The following NEBL variants were observed in gnomAD, a reference collection of about 807,000 sequenced individuals.
The protein encoded by NEBL is nebulette, also known as LIM and SH3 protein 2.
Under a neutral mutation model 140.2 loss-of-function variants are expected in NEBL, and 122 were observed. The observed-to-expected ratio is 0.87, with a 90% confidence interval of 0.75 to 1.01. NEBL has a LOEUF of 1.01. Among genes scored for constraint, NEBL ranks in the 50% least tolerant of loss-of-function variants. The probability of loss-of-function intolerance (pLI) is 0.00; values close to 1 mark genes in which losing one functional copy is unlikely to be tolerated. For synonymous variants in NEBL, 436 were observed against 398.9 expected, an observed-to-expected ratio of 1.09 and a Z score of -1.11; for missense variants, 1,365 against 1,231.3, an observed-to-expected ratio of 1.11 and a Z score of -1.62.
intron 4 of NEBL, among the ~76,000 whole-genome samples, chr10:20,938,957 T>C (rs1473167306): frequency 4.6e-5 from 7 of 152,110 alleles, no homozygotes; most frequent in East Asian, 1.9e-4. Context: ...CAAATCTATG[T>C]CTGCTTGGTG....
At chr10:20,984,177 G>A (rs1837162998) in intron 3 of NEBL, among the ~76,000 whole-genome samples, 1 of 150,028 alleles carries the variant, frequency 6.7e-6, no homozygotes, top group Non-Finnish European at 1.5e-5. Flanking sequence ...TTAAAAACAG[G>A]TACACCAAAA....
chr10:21,151,588 G>A (rs1840139117), intron 2 of NEBL, among the ~76,000 whole-genome samples: 1 of 152,120 alleles, frequency 6.6e-6, no homozygotes, highest in Non-Finnish European at 1.5e-5. Flanking sequence ...CCCTTAGTCA[G>A]AGCTGCCCAG....
At chr10:20,942,823 A>C (rs1251694252) in intron 4 of NEBL, among the ~76,000 whole-genome samples, 1 of 152,228 alleles carries the variant, frequency 6.6e-6, no homozygotes, top group African/African-American at 2.4e-5. Context: ...ATGCAGCCAA[A>C]AGACACATGA....
At chr10:21,048,189 G>A (rs763427588) in intron 2 of NEBL, among the ~76,000 whole-genome samples, 2 of 152,086 alleles carry the variant, frequency 1.3e-5, no homozygotes, top group African/African-American at 4.8e-5. Context: ...TTCTCCCCTC[G>A]CACGCTGTCC....
chr10:21,196,384 G>A (rs986380046), intron 3 of NEBL, among the ~76,000 whole-genome samples: 1 of 148,878 alleles, frequency 6.7e-6, no homozygotes, highest in Non-Finnish European at 1.5e-5. Flanking sequence ...TGCTCTTGTT[G>A]CCCAGGGTGG....
intron 2 of NEBL, among the ~76,000 whole-genome samples, chr10:21,044,822 T>A (rs1187638223): frequency 6.6e-6 from 1 of 152,190 alleles, no homozygotes; most frequent in Non-Finnish European, 1.5e-5. Flanking sequence ...TAATCCATCA[T>A]GACATTTGTG....
intron 2 of NEBL, among the ~76,000 whole-genome samples, chr10:21,042,143 T>G (rs748792913): frequency 3.9e-5 from 6 of 152,228 alleles, no homozygotes; most frequent in Non-Finnish European, 8.8e-5. Flanking sequence ...TACTTACATT[T>G]ACTGAGCACT....
At chr10:20,813,221 C>T (rs187517104) in intron 23 of NEBL, among the ~76,000 whole-genome samples, 60 of 150,966 alleles carry the variant, frequency 4.0e-4, no homozygotes, top group Non-Finnish European at 5.6e-4. Context: ...TGTAAAAATA[C>T]ATATTCTCAA....
At chr10:21,256,102 C>G (rs554796571) in intron 1 of NEBL, among the ~76,000 whole-genome samples, 180 of 152,218 alleles carry the variant, frequency 1.2e-3, no homozygotes, top group Non-Finnish European at 2.1e-3. Flanking sequence ...GAGTCTTGCT[C>G]TCTCACTCAG....
chr10:20,817,478 T>C, intron 21 of NEBL, 122 bp downstream of exon 21: 1 of 865,416 alleles, frequency 1.2e-6, no homozygotes, highest in Non-Finnish European at 1.9e-6. Context: ...AAATAAGTTG[T>C]TAGTCAAATG....
chr10:21,083,393 C>T (rs1486422620), intron 2 of NEBL, among the ~76,000 whole-genome samples: 2 of 152,174 alleles, frequency 1.3e-5, no homozygotes, highest in African/African-American at 4.8e-5. Context: ...GTAGCAGCAC[C>T]CCACCTCCTT....
At chr10:21,003,462 T>C (rs1024797932) in intron 3 of NEBL, among the ~76,000 whole-genome samples, 1 of 152,256 alleles carries the variant, frequency 6.6e-6, no homozygotes, top group Non-Finnish European at 1.5e-5. Flanking sequence ...AAGGATCTTT[T>C]GTTATGAAGC....
chr10:21,006,708 C>T (rs934618471), intron 3 of NEBL, among the ~76,000 whole-genome samples: 1 of 152,168 alleles, frequency 6.6e-6, no homozygotes, highest in Non-Finnish European at 1.5e-5. Context: ...ACCCGAAAAG[C>T]ATTAGGAGCC....
chr10:20,869,779 G>T lies in NEBL; in HGVS notation c.543C>A (p.Asp181Glu). 6.2e-7 allele frequency: 1 copy of T among 1,613,502 alleles called. No individual in the cohort carries two copies. The highest frequency in any genetic ancestry group is 8.5e-7 in the Non-Finnish European group (1 of 1,179,486). Residue 181 changes from aspartate (D) to glutamate (E), a missense_variant, in exon 6 of 28, where the codon GAC (aspartate) becomes GAA (glutamate). By Grantham distance (45) the Asp-to-Glu change is conservative (BLOSUM62 2). Transcript: ENST00000377122. Reference protein sequence around the residue: ...HTYSAELDRPDIKMATQISKI... With the variant: ...HTYSAELDRPEIKMATQISKI... ...TAGAGATCTGGGTTGCCATCTTGAT[G>T]TCTGGTCGGTCAAGTTCTGCACTGT...
chr10:20,940,138 C>G (rs1834771112), intron 4 of NEBL, among the ~76,000 whole-genome samples: 2 of 152,176 alleles, frequency 1.3e-5, no homozygotes, highest in South Asian at 4.1e-4. Flanking sequence ...ATACATTCTT[C>G]TCAGCATCAC....
intron 3 of NEBL, among the ~76,000 whole-genome samples, chr10:20,992,336 T>C (rs1228704772): frequency 6.6e-6 from 1 of 152,202 alleles, no homozygotes; most frequent in Non-Finnish European, 1.5e-5. Context: ...ATAGATACTT[T>C]CTCAACCGCC....
At chr10:21,021,980 AT>A (rs1288741225) in intron 2 of NEBL, among the ~76,000 whole-genome samples, 1 of 152,148 alleles carries the variant, frequency 6.6e-6, no homozygotes, top group Admixed American at 6.5e-5. Context: ...ATGTCGTCGC[AT>A]TTGTGCAAAC....
intron 26 of NEBL, 108 bp downstream of exon 26, chr10:20,808,402 A>C: frequency 1.7e-6 from 2 of 1,148,656 alleles, no homozygotes; most frequent in Non-Finnish European, 2.5e-6. Flanking sequence ...ATTCTCAAAT[A>C]CAGCCAGGAT....
chr10:20,997,142 C>A (rs1837697838), intron 3 of NEBL, among the ~76,000 whole-genome samples: 3 of 152,056 alleles, frequency 2.0e-5, no homozygotes, highest in Admixed American at 2.0e-4. Context: ...AAGTCATTTC[C>A]CCTTAAATAA....
Sources: gnomAD v4.1 joint callset for allele counts (sites outside exome capture counted in the v4.1 genomes callset) on GRCh38, gnomAD v4.1.1 for gene constraint, MANE v1.5 for transcripts, NCBI Gene and HGNC (gene_info 2026-07-23, HGNC 2026-07-21) for gene names.